ZNF763: variants seen among roughly 807,000 people sequenced by gnomAD.
ZNF763 encodes DNA-binding protein.
In ZNF763, 33 loss-of-function variants were observed where a neutral mutation model predicts 38.0. That is an observed-to-expected ratio of 0.87 (90% confidence interval 0.66 to 1.16). The LOEUF (loss-of-function observed/expected upper bound fraction) is 1.16. Among genes scored for constraint, ZNF763 ranks in the 50% most tolerant of loss-of-function variants. The pLI is 0.00. For synonymous variants in ZNF763, 155 were observed against 160.1 expected, an observed-to-expected ratio of 0.97 and a Z score of 0.24; for missense variants, 423 against 469.1, an observed-to-expected ratio of 0.90 and a Z score of 0.91.
intron 1 of ZNF763, among the ~76,000 whole-genome samples, chr19:11,969,415 G>A (rs1227299317): frequency 6.6e-6 from 1 of 152,146 alleles, no homozygotes; most frequent in Non-Finnish European, 1.5e-5. Context: ...TGACTTACTT[G>A]TTCACACAGC....
At position 11,979,827 on chromosome 19, in the gene ZNF763, C is replaced by G. The variant is rs1973583219; in HGVS notation, c.*718C>G. 1.3e-6 allele frequency: 2 copies of G among 1,561,642 alleles called. No homozygotes were observed. The highest frequency in any genetic ancestry group is 2.7e-5 in the African/African-American group (2 of 73,460). On this transcript the variant is annotated 3_prime_UTR_variant, in exon 4 of 4. Coordinates refer to ENST00000358987, the MANE Select transcript of ZNF763 (RefSeq NM_001367172.2). ...AAGGAATGTGGGAAAGCCTTCAGATCTGCCAAGAACCTTCGAATTCATGAA... is the reference window on the plus strand; with the variant it reads ...AAGGAATGTGGGAAAGCCTTCAGATGTGCCAAGAACCTTCGAATTCATGAA...
intron 1 of ZNF763, among the ~76,000 whole-genome samples, chr19:11,966,107 A>G (rs548579490): frequency 6.6e-6 from 1 of 152,322 alleles, no homozygotes; most frequent in South Asian, 2.1e-4. Flanking sequence ...ATTCCAAGGC[A>G]TGACTTACCC....
rs147184532 is a variant in ZNF763 at position 11,978,723 on chromosome 19, A to C, written c.799A>C (p.Ser267Arg). The change falls in exon 4 of 4, where the codon AGT (serine) becomes CGT (arginine). Residue 267 changes from serine (S) to arginine (R), a missense_variant. Physicochemically the swap from Ser to Arg is moderately radical, Grantham distance 110. Transcript: ENST00000358987. The part of the protein sequence containing the change: ...ECQQCGKAFH[S>R]SSSFQAHKRT... ...TCAGCAATGTGGGAAAGCATTCCAT[A>C]GTTCCAGTTCTTTTCAAGCACATAA... The C allele has an allele frequency of 6.2e-7, 1 of 1,613,838 alleles. No homozygotes were observed. Among genetic ancestry groups the C allele is most frequent in the East Asian group, 2.2e-5 (1 of 44,822 alleles).
rs1283131039 is a variant in ZNF763 at position 11,977,428 on chromosome 19, T to A, written c.188T>A (p.Phe63Tyr). 1 of 1,613,824 alleles carries A rather than the reference T, an allele frequency of 6.2e-7. No individual in the cohort carries two copies. The highest frequency in any genetic ancestry group is 8.5e-7 in the Non-Finnish European group (1 of 1,179,922). Residue 63 changes from phenylalanine (F) to tyrosine (Y), a missense_variant, in exon 3 of 4, where the codon TTC becomes TAC. By Grantham distance (22) the Phe-to-Tyr change is conservative. Transcript: ENST00000358987. Reference protein sequence around the residue: ...EYEYQNPRRNFRSLIEGNVNE... With the variant: ...EYEYQNPRRNYRSLIEGNVNE... ...GAGTACCAAAACCCCAGGAGAAACT[T>A]CAGGTAATTGGCACTTAAAGAGAAA...
chr19:11,977,338 C>T (rs765594698), intron 2 of ZNF763, 33 bp from the exon 3 acceptor site: 11 of 1,612,042 alleles, frequency 6.8e-6, no homozygotes, highest in African/African-American at 1.3e-5. Context: ...TTTTATATTG[C>T]TTCAGGACTA....
At position 11,965,132 on chromosome 19, in the gene ZNF763, GCT is replaced by G. The variant is rs1471319348; in HGVS notation, c.-74_-73del. 3.1e-6 allele frequency: 5 copies of G among 1,603,132 alleles called. No individual in the cohort carries two copies. The South Asian group carries it at 4.4e-5, about 14-fold the overall frequency. On this transcript the variant is annotated 5_prime_UTR_variant, in exon 1 of 4. Coordinates refer to ENST00000358987, the MANE Select transcript of ZNF763 (RefSeq NM_001367172.2). ...TGGTACCTCTACCCAGGTTTCTATC[GCT>G]CTGTCTCCTGCGCTGTGCCCTTCTG... is the stretch of plus-strand genomic sequence containing the variant.
At chr19:11,975,491 G>A (rs959285451) in intron 1 of ZNF763, among the ~76,000 whole-genome samples, 7 of 151,700 alleles carry the variant, frequency 4.6e-5, no homozygotes, top group African/African-American at 1.5e-4. Context: ...TCCGCTTCCC[G>A]GGTTCACGCC....
intron 1 of ZNF763, among the ~76,000 whole-genome samples, chr19:11,969,717 A>T (rs941138230): frequency 1.3e-5 from 2 of 152,198 alleles, no homozygotes; most frequent in Non-Finnish European, 2.9e-5. Flanking sequence ...CTAACTCTTC[A>T]AGGGCTTGCA....
chr19:11,974,069 T>TTTTCTTTCTTTCTTTTCTTTCTTTCTTTC (rs1973407836), intron 1 of ZNF763, among the ~76,000 whole-genome samples: 1 of 114,776 alleles, frequency 8.7e-6, no homozygotes, highest in African/African-American at 3.2e-5. Context: ...TCCTTCTTTC[T>TTTTCTTTCTTTCTTTTCTTTCTTTCTTTC]TTTCTTTCTT....
chr19:11,968,814 G>C (rs1005255723), intron 1 of ZNF763, among the ~76,000 whole-genome samples: 1 of 152,082 alleles, frequency 6.6e-6, no homozygotes, highest in South Asian at 2.1e-4. Flanking sequence ...GATCTCAGGA[G>C]TTGAAGACCA....
chr19:11,980,381 CA>C lies in ZNF763; in HGVS notation c.*1290del, dbSNP rs34141334. On this transcript the variant is annotated 3_prime_UTR_variant, in exon 4 of 4. Coordinates refer to ENST00000358987, the MANE Select transcript of ZNF763 (RefSeq NM_001367172.2). ...GGGCAACAGGAGCAAAACTCCGTCT[CA>C]AAAAAAAAAAAAAAAAAGACTTGGC... 2,623 of 123,634 alleles carry C rather than the reference CA, an allele frequency of 0.021. 31 individuals are homozygous for C. Among genetic ancestry groups the C allele is most frequent in the African/African-American group, 0.029 (908 of 31,056 alleles). 7.7% of individuals were successfully genotyped at this position (123,634 alleles called of 1,614,324 possible). A position where few individuals can be genotyped will look rare whatever the true frequency, so the allele number is the denominator to read the frequency against.
rs937774713 is a variant in ZNF763, at chr19:11,980,617, A to G, written c.*1508A>G. On this transcript the variant is annotated 3_prime_UTR_variant, in exon 4 of 4. Coordinates refer to ENST00000358987, the MANE Select transcript of ZNF763 (RefSeq NM_001367172.2). ...CTAATAAATTACAATAATAATGTAA[A>G]TTGTCTAAATACAGCCTTTTCTTTC... 6.6e-6 allele frequency among the ~76,000 whole-genome samples: 1 copy of G among 152,156 alleles called. No individual in the cohort carries two copies. The highest frequency in any genetic ancestry group is 1.5e-5 in the Non-Finnish European group (1 of 68,026).
chr19:11,967,978 A>G (rs1385539489), intron 1 of ZNF763, among the ~76,000 whole-genome samples: 2 of 152,210 alleles, frequency 1.3e-5, no homozygotes, highest in South Asian at 2.1e-4. Flanking sequence ...GAAAGCACAT[A>G]CTATTATGAG....
intron 1 of ZNF763, among the ~76,000 whole-genome samples, chr19:11,967,228 T>C (rs1027000069): frequency 2.6e-5 from 4 of 152,110 alleles, no homozygotes; most frequent in Non-Finnish European, 1.5e-5. Flanking sequence ...CGCAGGTACT[T>C]GGGAGGCTTA....
Position 11,977,133 on chromosome 19 carries a change from G to A in ZNF763, c.99G>A (p.Met33Ile), listed in dbSNP as rs1208628985. 1.2e-6 allele frequency: 2 copies of A among 1,614,032 alleles called. No homozygotes were observed. Among genetic ancestry groups the A allele is most frequent in the African/African-American group, 2.7e-5 (2 of 74,924 alleles). Reference protein sequence around the residue: ...ISQRKLYREVMLETFRNLTSI... With the variant: ...ISQRKLYREVILETFRNLTSI... Reference sequence around the variant, plus strand: ...AGAGGAAACTCTACAGGGAAGTGATGCTGGAAACTTTCAGGAACCTGACCT... The same window carrying A: ...AGAGGAAACTCTACAGGGAAGTGATACTGGAAACTTTCAGGAACCTGACCT... Residue 33 changes from methionine to isoleucine, a missense_variant, in exon 2 of 4, where the codon ATG becomes ATA. Transcript: ENST00000358987.
At chr19:11,966,601 T>C (rs1048858844) in intron 1 of ZNF763, among the ~76,000 whole-genome samples, 1 of 152,178 alleles carries the variant, frequency 6.6e-6, no homozygotes, top group African/African-American at 2.4e-5. Context: ...CTCAAACTCC[T>C]GACCTCAAGT....
chr19:11,976,558 A>G (rs907884898), intron 1 of ZNF763, among the ~76,000 whole-genome samples: 1 of 146,192 alleles, frequency 6.8e-6, no homozygotes, highest in Non-Finnish European at 1.5e-5. Flanking sequence ...TCTGTCTCAA[A>G]AAAAAAAAAA....
Position 11,980,195 on chromosome 19 carries a change from T to C in ZNF763, c.*1086T>C. 2.0e-6 allele frequency: 1 copy of C among 498,434 alleles called. No individual in the cohort carries two copies. The highest frequency in any genetic ancestry group is 2.0e-5 in the South Asian group (1 of 49,358). The allele number at this position is 498,434 out of a possible 1,614,324, so 30.9% of individuals were successfully genotyped here. A position where few individuals can be genotyped will look rare whatever the true frequency, so the allele number is the denominator to read the frequency against. ...AGGAGTTCAAGACTGGCCTGATCAA[T>C]ATGATGAAACCCCTGTCTCTACTAA... On this transcript the variant is annotated 3_prime_UTR_variant, in exon 4 of 4. Transcript: ENST00000358987.
intron 1 of ZNF763, among the ~76,000 whole-genome samples, chr19:11,966,074 A>T (rs1252727814): frequency 6.6e-6 from 1 of 152,202 alleles, no homozygotes; most frequent in African/African-American, 2.4e-5. Context: ...CAAAAAACAG[A>T]CCTGTTTCTC....
Sources: gnomAD v4.1 joint callset for allele counts (sites outside exome capture counted in the v4.1 genomes callset) on GRCh38, gnomAD v4.1.1 for gene constraint, MANE v1.5 for transcripts, NCBI Gene and HGNC (gene_info 2026-07-23, HGNC 2026-07-21) for gene names.